The following KIRREL1 variants were observed in gnomAD, a reference collection of about 807,000 sequenced individuals.
KIRREL1 encodes kirre like nephrin family adhesion molecule 1, also known as kin of IRRE-like protein 1.
Under a neutral mutation model 83.3 loss-of-function variants are expected in KIRREL1, and 25 were observed. The ratio of observed to expected loss-of-function variants is 0.30; its 90% CI spans 0.22 to 0.42. The LOEUF (loss-of-function observed/expected upper bound fraction) is 0.42. Ranked by LOEUF, KIRREL1 falls within the 10% of genes least tolerant of loss-of-function variation. KIRREL1 has a pLI of 1.00. For missense variants in KIRREL1, 812 were observed against 1,032.3 expected (o/e 0.79, Z 2.92); for synonymous variants, 388 against 410.4 (o/e 0.95, Z 0.66).
chr1:158,033,418 C>T (rs1180123559), intron 1 of KIRREL1, among the ~76,000 whole-genome samples: 1 of 152,198 alleles, frequency 6.6e-6, no homozygotes, highest in East Asian at 1.9e-4. Context: ...CATGCCTCAC[C>T]TTTAAAGGAA....
intron 1 of KIRREL1, among the ~76,000 whole-genome samples, chr1:158,051,183 G>C (rs895388686): frequency 6.6e-6 from 1 of 152,156 alleles, no homozygotes; most frequent in African/African-American, 2.4e-5. Flanking sequence ...TGCAAGGTTT[G>C]CTCACACTCA....
chr1:158,082,593 T>G (rs1661895070), intron 3 of KIRREL1, among the ~76,000 whole-genome samples: 1 of 152,170 alleles, frequency 6.6e-6, no homozygotes, highest in African/African-American at 2.4e-5. Flanking sequence ...CTCTTGAGTG[T>G]TCCCTCTGCA....
chr1:157,996,479 G>A (rs1420360558), intron 1 of KIRREL1, among the ~76,000 whole-genome samples: 1 of 152,060 alleles, frequency 6.6e-6, no homozygotes, highest in Non-Finnish European at 1.5e-5. Context: ...GTGGGGGCAG[G>A]AGAAAAATAA....
At chr1:158,009,199 G>A (rs573242285) in intron 1 of KIRREL1, among the ~76,000 whole-genome samples, 1 of 152,162 alleles carries the variant, frequency 6.6e-6, no homozygotes, top group Non-Finnish European at 1.5e-5. Context: ...TCAGGTCCCC[G>A]AGAAGCGGAT....
intron 1 of KIRREL1, among the ~76,000 whole-genome samples, chr1:158,046,920 A>G (rs1313121660): frequency 1.3e-5 from 2 of 152,172 alleles, no homozygotes; most frequent in East Asian, 3.9e-4. Context: ...TGCTGGGCAC[A>G]GGGTCAACAG....
Position 158,088,398 on chromosome 1 carries a change from G to A in KIRREL1, c.988G>A (p.Val330Ile). ...TGGCTCTGATGTGACCCTTACCTGT[G>A]TCTGGGTTGGGAATCCCCCCCTCAC... is the stretch of plus-strand genomic sequence containing the variant. ...DIGSDVTLTC[V>I]WVGNPPLTLT... Residue 330 changes from valine to isoleucine, a missense_variant, in exon 8 of 15, where the codon GTC (valine) becomes ATC (isoleucine). This residue lies in a region of KIRREL1 where 472 missense variants were observed against 626.8 expected (regional missense o/e 0.75). Transcript: ENST00000359209. The A allele has an allele frequency of 6.2e-7, 1 of 1,612,354 alleles. No individual in the cohort carries two copies. The highest frequency in any genetic ancestry group is 8.5e-7 in the Non-Finnish European group (1 of 1,179,596).
intron 1 of KIRREL1, among the ~76,000 whole-genome samples, chr1:158,011,316 A>C (rs1659681690): frequency 6.6e-6 from 1 of 152,238 alleles, no homozygotes; most frequent in Non-Finnish European, 1.5e-5. Context: ...GACAAACCAA[A>C]GCCTCTTTCA....
chr1:157,999,283 C>T (rs1557983236), intron 1 of KIRREL1, among the ~76,000 whole-genome samples: 1 of 152,158 alleles, frequency 6.6e-6, no homozygotes, highest in Non-Finnish European at 1.5e-5. Flanking sequence ...AAATAATGCC[C>T]CTTGTCAGAA....
chr1:158,050,561 A>G (rs555745021), intron 1 of KIRREL1, among the ~76,000 whole-genome samples: 2 of 152,282 alleles, frequency 1.3e-5, no homozygotes, highest in East Asian at 3.9e-4. Flanking sequence ...GAATGTGCCC[A>G]TTAAAGCCAG....
chr1:158,010,830 A>G (rs1388519814), intron 1 of KIRREL1, among the ~76,000 whole-genome samples: 2 of 152,158 alleles, frequency 1.3e-5, no homozygotes, highest in Non-Finnish European at 1.5e-5. Context: ...AAACTGGGCC[A>G]GAAGAAAGGA....
chr1:158,065,406 T>C (rs1661330714), intron 1 of KIRREL1, among the ~76,000 whole-genome samples: 1 of 152,090 alleles, frequency 6.6e-6, no homozygotes, highest in Admixed American at 6.5e-5. Flanking sequence ...ATGGAGCCTG[T>C]AGGGAGGTGT....
At chr1:158,033,857 G>A (rs1021551504) in intron 1 of KIRREL1, among the ~76,000 whole-genome samples, 1 of 150,398 alleles carries the variant, frequency 6.6e-6, no homozygotes, top group African/African-American at 2.5e-5. Flanking sequence ...GCACGTGCCT[G>A]TAATCCCAGC....
intron 1 of KIRREL1, among the ~76,000 whole-genome samples, chr1:158,025,043 C>T (rs1161417167): frequency 1.3e-5 from 2 of 152,182 alleles, no homozygotes; most frequent in Non-Finnish European, 2.9e-5. Flanking sequence ...GTAGCCGCCT[C>T]CTCTGTGTGG....
At chr1:158,036,833 C>G (rs1392038600) in intron 1 of KIRREL1, among the ~76,000 whole-genome samples, 1 of 152,138 alleles carries the variant, frequency 6.6e-6, no homozygotes, top group East Asian at 1.9e-4. Context: ...AGCAAGCTGT[C>G]TGGAGAAGAA....
At chr1:158,088,919 C>G (rs1000215955) in intron 8 of KIRREL1, among the ~76,000 whole-genome samples, 9 of 151,958 alleles carry the variant, frequency 5.9e-5, no homozygotes, top group African/African-American at 2.2e-4. Context: ...TACGGTTATC[C>G]CCACATCTTC....
At chr1:158,027,347 G>A (rs1660202661) in intron 1 of KIRREL1, among the ~76,000 whole-genome samples, 1 of 152,214 alleles carries the variant, frequency 6.6e-6, no homozygotes, top group South Asian at 2.1e-4. Flanking sequence ...ACCTCCCTGT[G>A]TTCAGCTACC....
chr1:158,088,497 T>C, intron 8 of KIRREL1, 43 bp downstream of exon 8: 1 of 1,495,680 alleles, frequency 6.7e-7, no homozygotes, highest in Non-Finnish European at 8.9e-7. Flanking sequence ...TTTTTTTTTT[T>C]TTTTTGAGAC....
intron 1 of KIRREL1, among the ~76,000 whole-genome samples, chr1:158,031,397 T>C (rs1448123831): frequency 2.6e-5 from 4 of 152,082 alleles, no homozygotes; most frequent in Non-Finnish European, 5.9e-5. Context: ...GAGTTAGGGT[T>C]CCATTCTTGT....
chr1:157,998,381 A>G (rs1373864223), intron 1 of KIRREL1, among the ~76,000 whole-genome samples: 6 of 152,250 alleles, frequency 3.9e-5, no homozygotes, highest in Admixed American at 3.9e-4. Context: ...TTCAAATTTA[A>G]AAAACAATCC....
Sources: gnomAD v4.1 joint callset for allele counts (sites outside exome capture counted in the v4.1 genomes callset) on GRCh38, gnomAD v4.1.1 for gene constraint, gnomAD v4.1.1 regional missense constraint, MANE v1.5 for transcripts, NCBI Gene and HGNC (gene_info 2026-07-23, HGNC 2026-07-21) for gene names.